ALOX5AP: variants seen among roughly 807,000 people sequenced by gnomAD.
The protein encoded by ALOX5AP is arachidonate 5-lipoxygenase-activating protein.
In ALOX5AP, 9 loss-of-function variants were observed where a neutral mutation model predicts 18.5. The ratio of observed to expected loss-of-function variants is 0.49; its 90% confidence interval spans 0.29 to 0.85. The LOEUF (loss-of-function observed/expected upper bound fraction) is 0.85, where lower values mean the gene tolerates loss of function less well. Ranked by LOEUF, ALOX5AP falls within the 40% of genes least tolerant of loss-of-function variation. ALOX5AP has a pLI of 0.08. For missense variants in ALOX5AP, 172 were observed against 202.5 expected (o/e 0.85, Z 0.91); for synonymous variants, 81 against 78.6 (o/e 1.03, Z -0.16).
chr13:30,758,889 A>G (rs1951918373), intron 4 of ALOX5AP, among the ~76,000 whole-genome samples: 1 of 151,422 alleles, frequency 6.6e-6, no homozygotes, highest in Non-Finnish European at 1.5e-5. Flanking sequence ...ATCTTGGCTC[A>G]CTGCAACCTC....
chr13:30,747,665 A>G (rs1046843652), intron 2 of ALOX5AP, among the ~76,000 whole-genome samples: 1 of 152,220 alleles, frequency 6.6e-6, no homozygotes, highest in Non-Finnish European at 1.5e-5. Flanking sequence ...TTCTAAATGG[A>G]TTACAAGTTC....
intron 4 of ALOX5AP, among the ~76,000 whole-genome samples, chr13:30,761,595 A>C (rs1298829201): frequency 2.0e-5 from 3 of 152,232 alleles, no homozygotes; most frequent in Non-Finnish European, 4.4e-5. Flanking sequence ...TGGCGCTGCC[A>C]TAACAAAGCA....
intron 3 of ALOX5AP, among the ~76,000 whole-genome samples, chr13:30,752,899 C>A (rs1951863834): frequency 1.3e-5 from 2 of 152,232 alleles, no homozygotes; most frequent in African/African-American, 4.8e-5. Context: ...AACTTGGGTA[C>A]AGCTACTCAG....
chr13:30,754,892 A>T (rs1218193554), intron 3 of ALOX5AP, among the ~76,000 whole-genome samples: 1 of 152,220 alleles, frequency 6.6e-6, no homozygotes, highest in African/African-American at 2.4e-5. Flanking sequence ...GAGAGCTGGG[A>T]GGATTGGAGA....
chr13:30,715,204 C>T (rs887521635), intron 1 of ALOX5AP, among the ~76,000 whole-genome samples: 18 of 152,146 alleles, frequency 1.2e-4, no homozygotes, highest in African/African-American at 4.3e-4. Flanking sequence ...TGGCCAAGTT[C>T]CTGGGGCTCT....
chr13:30,752,919 A>G (rs1370934548), intron 3 of ALOX5AP, among the ~76,000 whole-genome samples: 2 of 152,256 alleles, frequency 1.3e-5, no homozygotes, highest in Non-Finnish European at 2.9e-5. Context: ...GCTGGTGAAG[A>G]ACACAGGCAG....
Position 30,755,944 on chromosome 13 carries a change from T to C in ALOX5AP, c.242T>C (p.Val81Ala), listed in dbSNP as rs771766962. ...LWSAGLLCSQ[V>A]PAAFAGLMYL... is the part of the protein sequence containing the mutation. ...CAGGTGTTTTCATTTCTCCACTTAGTTCCTGCTGCGTTTGCTGGACTGATG... is the reference window on the plus strand; with the variant it reads ...CAGGTGTTTTCATTTCTCCACTTAGCTCCTGCTGCGTTTGCTGGACTGATG... Residue 81 changes from valine (V) to alanine (A), a missense_variant and splice_region_variant, in exon 4 of 5, where the codon GTT becomes GCT. Physicochemically the swap from Val to Ala is moderately conservative, Grantham distance 64. Transcript: ENST00000380490. The C allele has an allele frequency of 2.5e-6, 4 of 1,614,088 alleles. No individual in the cohort carries two copies. The highest frequency in any genetic ancestry group is 3.4e-6 in the Non-Finnish European group (4 of 1,179,928).
upstream of ALOX5AP, among the ~76,000 whole-genome samples, chr13:30,732,916 G>A (rs1593432012): frequency 1.3e-5 from 2 of 152,042 alleles, no homozygotes; most frequent in East Asian, 3.9e-4. Flanking sequence ...AGCACTTTGG[G>A]AGGCCGAGGC....
At chr13:30,756,134 C>A in intron 4 of ALOX5AP, 109 bp downstream of exon 4, 2 of 1,065,088 alleles carry the variant, frequency 1.9e-6, no homozygotes, top group East Asian at 2.6e-5. Flanking sequence ...CGTAGCATCC[C>A]CTTGGGTGGG....
intron 4 of ALOX5AP, among the ~76,000 whole-genome samples, chr13:30,759,506 G>A (rs1289460524): frequency 1.3e-5 from 2 of 152,204 alleles, no homozygotes; most frequent in Admixed American, 6.5e-5. Context: ...CAGTGAACAT[G>A]ACGGAGTCTT....
chr13:30,713,691 T>C (rs930412299), exon 1 of ALOX5AP: 6 of 1,407,468 alleles, frequency 4.3e-6, no homozygotes, highest in African/African-American at 2.8e-5. Context: ...CTGACTTCAC[T>C]GTGAACCAGG....
intron 1 of ALOX5AP, among the ~76,000 whole-genome samples, chr13:30,718,839 A>G (rs529301867): frequency 1.3e-5 from 2 of 152,212 alleles, no homozygotes; most frequent in African/African-American, 4.8e-5. Context: ...CTGACCACTG[A>G]ACTCCTGGAC....
chr13:30,743,531 C>T (rs979794065), intron 1 of ALOX5AP, among the ~76,000 whole-genome samples: 7 of 152,020 alleles, frequency 4.6e-5, no homozygotes, highest in African/African-American at 1.2e-4. Context: ...TCCATTCCCC[C>T]TCCTTGGCTG....
chr13:30,763,517 T>A (rs1951962851), intron 4 of ALOX5AP, among the ~76,000 whole-genome samples: 1 of 152,196 alleles, frequency 6.6e-6, no homozygotes, highest in South Asian at 2.1e-4. Context: ...CATTTAAACT[T>A]CACTTCTAAC....
chr13:30,747,503 C>T (rs1593439851), intron 2 of ALOX5AP, among the ~76,000 whole-genome samples: 1 of 152,238 alleles, frequency 6.6e-6, no homozygotes, highest in African/African-American at 2.4e-5. Context: ...AGTTTAATGT[C>T]CTATTCCCAG....
chr13:30,759,763 A>G (rs1020158509), intron 4 of ALOX5AP, among the ~76,000 whole-genome samples: 4 of 152,154 alleles, frequency 2.6e-5, no homozygotes, highest in African/African-American at 4.8e-5. Flanking sequence ...GGGAGCATAG[A>G]TGGATATCAA....
At chr13:30,761,061 T>G (rs1416601090) in intron 4 of ALOX5AP, among the ~76,000 whole-genome samples, 1 of 152,344 alleles carries the variant, frequency 6.6e-6, no homozygotes, top group East Asian at 1.9e-4. Flanking sequence ...GTTCGGTATC[T>G]GCCCACCATG....
upstream of ALOX5AP, among the ~76,000 whole-genome samples, chr13:30,734,535 C>T (rs1481082699): frequency 6.6e-6 from 1 of 152,220 alleles, no homozygotes; most frequent in Non-Finnish European, 1.5e-5. Context: ...AGAGGGATTG[C>T]CATTCACACT....
intron 1 of ALOX5AP, among the ~76,000 whole-genome samples, chr13:30,726,934 A>C (rs1472988649): frequency 1.3e-5 from 2 of 152,202 alleles, no homozygotes; most frequent in Admixed American, 1.3e-4. Flanking sequence ...CAAGATATCA[A>C]AAAGGGAATG....
Sources: allele counts gnomAD v4.1 joint callset (sites outside exome capture counted in the v4.1 genomes callset), GRCh38; gene constraint gnomAD v4.1.1; transcripts MANE v1.5; gene names NCBI Gene and HGNC (gene_info 2026-07-23, HGNC 2026-07-21).